Variants in ADCK1 observed in about 807,000 individuals in gnomAD.
The protein encoded by ADCK1 is aarF domain-containing protein kinase 1.
Under a neutral mutation model 52.3 loss-of-function variants are expected in ADCK1, and 41 were observed. That is an observed-to-expected ratio of 0.78 (90% CI 0.61 to 1.02). The LOEUF is 1.02. ADCK1 is among the 50% of genes least tolerant of loss of function. The probability of loss-of-function intolerance (pLI) is 0.00; values close to 1 mark genes in which losing one functional copy is unlikely to be tolerated. For synonymous variants in ADCK1, 250 were observed against 274.6 expected (o/e 0.91, Z 0.89); for missense variants, 658 against 679.5 (o/e 0.97, Z 0.35).
At chr14:77,826,373 A>G (rs539614643) in intron 3 of ADCK1, among the ~76,000 whole-genome samples, 155 of 52,178 alleles carry the variant, frequency 3.0e-3, no homozygotes, top group African/African-American at 9.2e-3. Context: ...CCAGGAGGCT[A>G]GCTTCGGCAG....
chr14:77,821,838 CGA>C (rs1225248998), intron 2 of ADCK1, among the ~76,000 whole-genome samples: 3 of 139,192 alleles, frequency 2.2e-5, no homozygotes, highest in Non-Finnish European at 4.5e-5. Flanking sequence ...CCAAGATCAC[CGA>C]GATCATGCCA....
At chr14:77,808,721 G>T (rs994407178) in intron 1 of ADCK1, among the ~76,000 whole-genome samples, 1 of 152,102 alleles carries the variant, frequency 6.6e-6, no homozygotes, top group Non-Finnish European at 1.5e-5. Context: ...GATTACAGGC[G>T]CCCACTACCA....
At chr14:77,804,647 G>C (rs1450490653) in intron 1 of ADCK1, among the ~76,000 whole-genome samples, 2 of 152,048 alleles carry the variant, frequency 1.3e-5, no homozygotes, top group Non-Finnish European at 2.9e-5. Flanking sequence ...GTGATGAATT[G>C]TCAGCCCAGG....
chr14:77,813,533 A>G (rs1192115521), intron 1 of ADCK1, among the ~76,000 whole-genome samples: 1 of 151,652 alleles, frequency 6.6e-6, no homozygotes, highest in Non-Finnish European at 1.5e-5. Context: ...CTGGTCTCAA[A>G]CTCCTGACCT....
chr14:77,807,715 G>T (rs1255082659), intron 1 of ADCK1, among the ~76,000 whole-genome samples: 1 of 151,686 alleles, frequency 6.6e-6, no homozygotes, highest in African/African-American at 2.4e-5. Flanking sequence ...CTCCATGTTG[G>T]TCAGGCTGGT....
chr14:77,899,938 C>T (rs889040936), intron 6 of ADCK1, among the ~76,000 whole-genome samples: 1 of 151,866 alleles, frequency 6.6e-6, no homozygotes, highest in Non-Finnish European at 1.5e-5. Flanking sequence ...GGCGTGGTGG[C>T]ATGTGCCTGT....
chr14:77,850,317 T>C (rs1030811729), intron 3 of ADCK1, among the ~76,000 whole-genome samples: 24 of 152,234 alleles, frequency 1.6e-4, no homozygotes, highest in African/African-American at 4.8e-5. Flanking sequence ...CCAGTTCAGA[T>C]TGGTTGATAG....
intron 7 of ADCK1, among the ~76,000 whole-genome samples, chr14:77,916,069 G>A (rs2083918051): frequency 6.6e-6 from 1 of 152,200 alleles, no homozygotes. Flanking sequence ...GGGGAAACAT[G>A]TAGGGAAGAA....
intron 1 of ADCK1, 49 bp downstream of exon 1, chr14:77,800,219 A>G (rs927606450): frequency 1.3e-5 from 2 of 152,292 alleles, no homozygotes; most frequent in African/African-American, 4.8e-5. Context: ...CGGGCCGACC[A>G]GCCTGGCAGG....
At chr14:77,871,259 A>T (rs897257741) in intron 4 of ADCK1, among the ~76,000 whole-genome samples, 2 of 152,192 alleles carry the variant, frequency 1.3e-5, no homozygotes, top group African/African-American at 4.8e-5. Flanking sequence ...AAATCAGGTT[A>T]GTCCTGTGGG....
Position 77,819,110 on chromosome 14 carries a change from T to G in ADCK1, c.132T>G (p.Ala44=). The change falls in exon 2 of 11, where the codon GCT becomes GCG. Residue 44 remains alanine, a synonymous_variant. Transcript: ENST00000238561. ...FGAVRVGRAV[A]TTAVISYDYL... ...CTGTCAGGGTGGGCAGAGCAGTTGCTACGGTAGGTTTTTCCCTTTTGGGGG... is the reference window on the plus strand; with the variant it reads ...CTGTCAGGGTGGGCAGAGCAGTTGCGACGGTAGGTTTTTCCCTTTTGGGGG... 6.4e-7 allele frequency: 1 copy of G among 1,565,342 alleles called. No homozygotes were observed. Among genetic ancestry groups the G allele is most frequent in the Non-Finnish European group, 8.7e-7 (1 of 1,153,872 alleles).
chr14:77,933,121 G>T, intron 10 of ADCK1, 99 bp from the exon 11 acceptor site: 1 of 1,322,804 alleles, frequency 7.6e-7, no homozygotes. Context: ...GAGCTGGTGA[G>T]TTGGCCAAAG....
At position 77,934,064 on chromosome 14, in the gene ADCK1, T is replaced by A. The variant is rs1311901512; in HGVS notation, c.*673T>A. ...GCTTATGGTTCCTCTTGGTTGCTGC[T>A]TCCTCAGGGTTTCCCAGGGAGATCT... On this transcript the variant is annotated 3_prime_UTR_variant, in exon 11 of 11. Transcript: ENST00000238561. 2 of 152,310 alleles carry A rather than the reference T, an allele frequency of 1.3e-5. No individual in the cohort carries two copies. The highest frequency in any genetic ancestry group is 2.4e-5 in the African/African-American group (1 of 41,440). 9.4% of individuals were successfully genotyped at this position (152,310 alleles called of 1,614,324 possible).
intron 4 of ADCK1, among the ~76,000 whole-genome samples, chr14:77,869,818 G>T (rs757949516): frequency 1.3e-5 from 2 of 152,178 alleles, no homozygotes; most frequent in Non-Finnish European, 2.9e-5. Flanking sequence ...TCCATGACCA[G>T]CTGCCATTGA....
intron 5 of ADCK1, 47 bp from the exon 6 acceptor site, chr14:77,899,053 T>C: frequency 1.9e-6 from 3 of 1,608,850 alleles, no homozygotes; most frequent in South Asian, 2.2e-5. Flanking sequence ...GAATGTCCCT[T>C]GGTATATGCT....
intron 5 of ADCK1, among the ~76,000 whole-genome samples, chr14:77,888,854 A>G (rs1245380683): frequency 1.3e-5 from 2 of 152,176 alleles, no homozygotes; most frequent in African/African-American, 4.8e-5. Flanking sequence ...GCCCAACCCT[A>G]TATACGCTGT....
At chr14:77,847,001 TGA>T (rs1048239464) in intron 3 of ADCK1, among the ~76,000 whole-genome samples, 1 of 151,954 alleles carries the variant, frequency 6.6e-6, no homozygotes, top group African/African-American at 2.4e-5. Flanking sequence ...ACATCACTTG[TGA>T]GAGGGGAGAG....
intron 6 of ADCK1, among the ~76,000 whole-genome samples, chr14:77,903,370 C>T (rs2083590072): frequency 6.6e-6 from 1 of 152,246 alleles, no homozygotes; most frequent in African/African-American, 2.4e-5. Context: ...TAAGCCTCCG[C>T]AAAGACTTTA....
intron 7 of ADCK1, among the ~76,000 whole-genome samples, chr14:77,912,221 G>C (rs927825223): frequency 1.3e-5 from 2 of 152,018 alleles, no homozygotes; most frequent in Non-Finnish European, 2.9e-5. Flanking sequence ...TGCATGACTT[G>C]GTAGCTCTTT....
Sources: allele counts gnomAD v4.1 joint callset (sites outside exome capture counted in the v4.1 genomes callset), GRCh38; gene constraint gnomAD v4.1.1; transcripts MANE v1.5; gene names NCBI Gene and HGNC (gene_info 2026-07-23, HGNC 2026-07-21).